Variants in ZBTB20 observed in about 807,000 individuals in gnomAD.
The protein encoded by ZBTB20 is zinc finger and BTB domain containing 20, also known as zinc finger and BTB domain-containing protein 20.
ZBTB20 carries 9 observed loss-of-function variants against 56.9 expected under a neutral mutation model. The observed-to-expected ratio is 0.16, with a 90% CI of 0.10 to 0.28. ZBTB20 has a LOEUF of 0.28. Ranked by LOEUF, ZBTB20 falls within the 10% of genes least tolerant of loss-of-function variation. The pLI is 1.00. For missense variants in ZBTB20, 655 were observed against 1,003.0 expected (o/e 0.65, Z 4.69); for synonymous variants, 417 against 420.7 (o/e 0.99, Z 0.11).
chr3:114,634,596 T>G lies in ZBTB20; in HGVS notation c.-295+58932A>C, dbSNP rs188461975. 1.1e-4 allele frequency among the ~76,000 whole-genome samples: 17 copies of G among 152,286 alleles called. No homozygotes were observed. In the East Asian group the frequency reaches 1.9e-3, roughly 17 times the overall value. On this transcript the variant is annotated intron_variant, in intron 6 of 11. Coordinates refer to ENST00000675478, the MANE Select transcript of ZBTB20 (RefSeq NM_001348800.3). ...TGATAAAACAATGTTGGAACCAAAA[T>G]ACCTTGCAAATATATTCAGATTGTA...
chr3:114,413,729 T>C (rs1467527721), intron 7 of ZBTB20, among the ~76,000 whole-genome samples: 4 of 152,152 alleles, frequency 2.6e-5, no homozygotes, highest in East Asian at 1.9e-4. Flanking sequence ...AGCTGTATTA[T>C]GCCACTCCTT....
intron 1 of ZBTB20, among the ~76,000 whole-genome samples, chr3:115,074,570 A>G (rs979904269): frequency 2.6e-5 from 4 of 152,204 alleles, no homozygotes; most frequent in African/African-American, 9.6e-5. Flanking sequence ...GAAGTAACAG[A>G]AATAGCATAC....
chr3:115,032,955 A>T (rs1465892521), intron 2 of ZBTB20, among the ~76,000 whole-genome samples: 1 of 146,036 alleles, frequency 6.8e-6, no homozygotes, highest in Non-Finnish European at 1.5e-5. Context: ...CAACCTAAGG[A>T]ACTAAAAAAA....
chr3:115,056,070 G>A (rs2081769221), intron 2 of ZBTB20, among the ~76,000 whole-genome samples: 1 of 152,036 alleles, frequency 6.6e-6, no homozygotes, highest in South Asian at 2.1e-4. Flanking sequence ...ATGTCAAAAA[G>A]TGAGTATCTT....
intron 4 of ZBTB20, among the ~76,000 whole-genome samples, chr3:114,811,879 T>C (rs147812626): frequency 6.6e-6 from 1 of 152,346 alleles, no homozygotes; most frequent in East Asian, 1.9e-4. Flanking sequence ...TGGTGGGTTC[T>C]TGGTCTCACT....
chr3:114,938,847 G>T (rs1278974961), intron 3 of ZBTB20, among the ~76,000 whole-genome samples: 1 of 145,972 alleles, frequency 6.9e-6, no homozygotes, highest in Non-Finnish European at 1.5e-5. Flanking sequence ...AGAAAAAGAA[G>T]TTGCATCTGT....
chr3:114,997,234 C>T (rs1334268777), intron 2 of ZBTB20, among the ~76,000 whole-genome samples: 2 of 151,796 alleles, frequency 1.3e-5, no homozygotes, highest in Non-Finnish European at 2.9e-5. Flanking sequence ...TTACAAATCA[C>T]TGGAAGACAA....
rs1211160180 is a variant in ZBTB20, at chr3:114,319,919, C to T, written c.*19086G>A. Reference sequence around the variant, plus strand: ...ATTTTTTCTCAAAAGGGAGCTCAAGCATAAGTTAAAAGGTGATGTGGAAAT... The same window carrying T: ...ATTTTTTCTCAAAAGGGAGCTCAAGTATAAGTTAAAAGGTGATGTGGAAAT... On this transcript the variant is annotated 3_prime_UTR_variant, in exon 12 of 12. Coordinates refer to ENST00000675478, the MANE Select transcript of ZBTB20 (RefSeq NM_001348800.3). 2 of 151,958 alleles carry T rather than the reference C, an allele frequency of 1.3e-5. No homozygotes were observed. Among genetic ancestry groups the T allele is most frequent in the East Asian group, 3.9e-4 (2 of 5,190 alleles). The allele number at this position is 151,958 out of a possible 1,614,324, so 9.4% of individuals were successfully genotyped here.
chr3:115,079,502 C>T (rs943420648), intron 1 of ZBTB20, among the ~76,000 whole-genome samples: 1 of 152,134 alleles, frequency 6.6e-6, no homozygotes, highest in Non-Finnish European at 1.5e-5. Context: ...GATTCTCCTG[C>T]CTCAGCCTCC....
chr3:114,658,956 A>C (rs2060566147), intron 6 of ZBTB20: 1 of 152,212 alleles, frequency 6.6e-6, no homozygotes, highest in African/African-American at 2.4e-5. Flanking sequence ...TAGCAACACA[A>C]GGTCTTCTGG....
intron 4 of ZBTB20, among the ~76,000 whole-genome samples, chr3:114,808,754 C>T (rs2072307213): frequency 6.6e-6 from 1 of 152,000 alleles, no homozygotes; most frequent in African/African-American, 2.4e-5. Context: ...CATGTCTATA[C>T]TTACCTAAAT....
At position 115,024,892 on chromosome 3, in the gene ZBTB20, C is replaced by T. The variant is rs552109907; in HGVS notation, c.-507+46327G>A. ...TAGTTACCGCTAGTAACTACTGTTA[C>T]TAAAATAGAAATTATATATCGATTT... On this transcript the variant is annotated intron_variant, in intron 2 of 11. Coordinates refer to ENST00000675478, the MANE Select transcript of ZBTB20 (RefSeq NM_001348800.3). 6.0e-5 allele frequency among the ~76,000 whole-genome samples: 9 copies of T among 151,186 alleles called. No homozygotes were observed. The South Asian group carries it at 1.5e-3, about 24-fold the overall frequency.
At chr3:115,005,880 G>C (rs1425670810) in intron 2 of ZBTB20, among the ~76,000 whole-genome samples, 1 of 151,674 alleles carries the variant, frequency 6.6e-6, no homozygotes, top group East Asian at 2.0e-4. Flanking sequence ...ATTTCATTTA[G>C]GGCAAAATTC....
intron 6 of ZBTB20, among the ~76,000 whole-genome samples, chr3:114,550,219 T>C (rs1465166288): frequency 6.6e-6 from 1 of 152,222 alleles, no homozygotes; most frequent in Admixed American, 6.5e-5. Flanking sequence ...ATTACAGGCA[T>C]GAGCCACTGT....
intron 7 of ZBTB20, among the ~76,000 whole-genome samples, 180 bp from the exon 8 acceptor site, chr3:114,389,285 G>C (rs979191958): frequency 6.6e-6 from 1 of 152,108 alleles, no homozygotes; most frequent in Non-Finnish European, 1.5e-5. Flanking sequence ...TGTTGTCCAG[G>C]CTCCATTTTC....
intron 4 of ZBTB20, chr3:114,873,288 T>C (rs1464985354): frequency 6.6e-6 from 1 of 152,106 alleles, no homozygotes; most frequent in African/African-American, 2.4e-5. Context: ...TTAAAAAAAA[T>C]CAGGTGCTCA....
intron 6 of ZBTB20, among the ~76,000 whole-genome samples, chr3:114,679,030 G>A (rs888197380): frequency 6.6e-5 from 10 of 152,132 alleles, no homozygotes; most frequent in African/African-American, 2.4e-4. Context: ...TGCAAGACAG[G>A]TATCATAATC....
intron 10 of ZBTB20, among the ~76,000 whole-genome samples, chr3:114,376,714 A>G (rs1000238005): frequency 6.6e-6 from 1 of 152,218 alleles, no homozygotes; most frequent in Non-Finnish European, 1.5e-5. Context: ...AAAAATAAAT[A>G]AAAACTGTTC....
At position 114,843,731 on chromosome 3, in the gene ZBTB20, T is replaced by C. The variant is rs372391135; in HGVS notation, c.-416-42557A>G. Among the ~76,000 whole-genome samples, 642 of 152,066 alleles carry C rather than the reference T, an allele frequency of 4.2e-3. 1 individual carries two copies. The highest frequency in any genetic ancestry group is 0.016 in the South Asian group (75 of 4,820). On this transcript the variant is annotated intron_variant, in intron 4 of 11. Transcript: ENST00000675478. ...TCACTCTGTCGCCCAGGCTGGAGTG[T>C]AGTGGCACAATCTTGGCTCACTGCA... is the stretch of plus-strand genomic sequence containing the variant.
Sources: gnomAD v4.1 joint callset for allele counts (sites outside exome capture counted in the v4.1 genomes callset) on GRCh38, gnomAD v4.1.1 for gene constraint, MANE v1.5 for transcripts, NCBI Gene and HGNC (gene_info 2026-07-23, HGNC 2026-07-21) for gene names.